PLEKHB2: variants seen among roughly 807,000 people sequenced by gnomAD.
The protein encoded by PLEKHB2 is pleckstrin homology domain-containing family B member 2.
Under a neutral mutation model 36.5 loss-of-function variants are expected in PLEKHB2, and 31 were observed. The ratio of observed to expected loss-of-function variants is 0.85; its 90% CI spans 0.64 to 1.15. The LOEUF is 1.15. Among genes scored for constraint, PLEKHB2 ranks in the 50% most tolerant of loss-of-function variants. The probability of loss-of-function intolerance (pLI) is 0.00; values close to 1 mark genes in which losing one functional copy is unlikely to be tolerated. For missense variants in PLEKHB2, 262 were observed against 295.3 expected, an observed-to-expected ratio of 0.89 and a Z score of 0.83; for synonymous variants, 119 against 112.0, an observed-to-expected ratio of 1.06 and a Z score of -0.39.
intron 1 of PLEKHB2, among the ~76,000 whole-genome samples, chr2:131,109,500 A>C (rs1448748438): frequency 6.6e-6 from 1 of 151,796 alleles, no homozygotes; most frequent in Non-Finnish European, 1.5e-5. Flanking sequence ...GACCAGCCTG[A>C]CCAACGTGGT....
At chr2:131,130,849 C>T in intron 5 of PLEKHB2, 89 bp downstream of exon 5, 1 of 886,246 alleles carries the variant, frequency 1.1e-6, no homozygotes, top group South Asian at 1.4e-5. Flanking sequence ...GGTGCTGTCT[C>T]ACCTCACTGC....
intron 1 of PLEKHB2, among the ~76,000 whole-genome samples, chr2:131,114,556 A>G (rs770566481): frequency 3.3e-5 from 5 of 152,166 alleles, no homozygotes; most frequent in Non-Finnish European, 5.9e-5. Context: ...ATCAGTTGGC[A>G]AATTTTCCAA....
At chr2:131,125,714 TAAA>T (rs368939952) in intron 2 of PLEKHB2, 36 bp from the exon 3 acceptor site, 28 of 1,339,174 alleles carry the variant, frequency 2.1e-5, no homozygotes, top group South Asian at 2.7e-5. Context: ...AGACTGTCTC[TAAA>T]AAAAAAAAAA....
chr2:131,132,329 G>A (rs949012423), intron 5 of PLEKHB2, among the ~76,000 whole-genome samples: 2 of 152,022 alleles, frequency 1.3e-5, no homozygotes, highest in African/African-American at 4.8e-5. Flanking sequence ...TTTTTTTGGA[G>A]ACAGTCTCGC....
In PLEKHB2 at chr2:131,120,988, G is replaced by A; in HGVS notation, c.37+10G>A. On this transcript the variant is annotated intron_variant, in intron 2 of 7. Coordinates refer to ENST00000693505, the MANE Select transcript of PLEKHB2 (RefSeq NM_001100623.2). ...TGGTTGCTGCGACAGAGTGAGTACAGGATGTGCGGTCTGCGATCGGCATTG... is the reference window on the plus strand; with the variant it reads ...TGGTTGCTGCGACAGAGTGAGTACAAGATGTGCGGTCTGCGATCGGCATTG... 1.2e-6 allele frequency: 2 copies of A among 1,613,498 alleles called. No homozygotes were observed. The highest frequency in any genetic ancestry group is 1.7e-6 in the Non-Finnish European group (2 of 1,179,458).
Position 131,146,835 on chromosome 2 carries a change from A to G in PLEKHB2, c.*62A>G, listed in dbSNP as rs542249172. 64 of 1,403,888 alleles carry G rather than the reference A, an allele frequency of 4.6e-5. 2 individuals carry two copies. The African/African-American group carries it at 7.1e-4, about 16-fold the overall frequency. 87.0% of individuals were successfully genotyped at this position (1,403,888 alleles called of 1,614,324 possible). On this transcript the variant is annotated 3_prime_UTR_variant, in exon 8 of 8. Transcript: ENST00000693505. ...CCCTGTGTGCAATAATATGATTTGC[A>G]GGGCATTTCTGTTTGTGACAAAAGT...
intron 5 of PLEKHB2, among the ~76,000 whole-genome samples, chr2:131,132,656 T>C (rs1407734563): frequency 2.0e-5 from 3 of 152,278 alleles, no homozygotes; most frequent in East Asian, 3.9e-4. Flanking sequence ...AGTGCCTTCC[T>C]GGCTGTGAGA....
At chr2:131,141,082 C>G (rs952284687) in intron 7 of PLEKHB2, among the ~76,000 whole-genome samples, 6 of 152,112 alleles carry the variant, frequency 3.9e-5, no homozygotes, top group African/African-American at 1.4e-4. Context: ...CGAGCTGGTA[C>G]CAGAAACGTG....
intron 1 of PLEKHB2, among the ~76,000 whole-genome samples, chr2:131,114,181 A>G (rs1024742610): frequency 6.6e-6 from 1 of 152,196 alleles, no homozygotes; most frequent in Non-Finnish European, 1.5e-5. Flanking sequence ...GCTGGAGTGC[A>G]GTGGCGTGAT....
At chr2:131,116,687 C>T (rs1300453174) in intron 1 of PLEKHB2, among the ~76,000 whole-genome samples, 1 of 152,164 alleles carries the variant, frequency 6.6e-6, no homozygotes, top group East Asian at 1.9e-4. Flanking sequence ...CTGGGGATTA[C>T]AATTCCACAT....
chr2:131,140,047 T>G, intron 6 of PLEKHB2, 120 bp from the exon 7 acceptor site: 1 of 616,434 alleles, frequency 1.6e-6, no homozygotes, highest in Non-Finnish European at 2.9e-6. Flanking sequence ...CTGTTTCATG[T>G]TTTGTTTTGT....
In PLEKHB2 at chr2:131,131,775, T is replaced by G. The variant is rs1306244423; in HGVS notation, c.333+1015T>G. Among the ~76,000 whole-genome samples, 29 of 150,690 alleles carry G rather than the reference T, an allele frequency of 1.9e-4. No homozygotes were observed. In the East Asian group the frequency reaches 3.2e-3, roughly 17 times the overall value. On this transcript the variant is annotated intron_variant, in intron 5 of 7. Coordinates refer to ENST00000693505, the MANE Select transcript of PLEKHB2 (RefSeq NM_001100623.2). ...AAATCCCCCTTTTTTTTTTTTTTTT[T>G]GGGTAAAATTAGCATTAACAATCCA... is the stretch of plus-strand genomic sequence containing the variant.
chr2:131,108,875 A>G (rs1424108161), intron 1 of PLEKHB2, among the ~76,000 whole-genome samples: 5 of 152,188 alleles, frequency 3.3e-5, no homozygotes, highest in Admixed American at 3.3e-4. Flanking sequence ...CTACTTACAT[A>G]TTATTTCACC....
At chr2:131,122,251 T>C (rs887204276) in intron 2 of PLEKHB2, among the ~76,000 whole-genome samples, 2 of 152,192 alleles carry the variant, frequency 1.3e-5, no homozygotes, top group Non-Finnish European at 2.9e-5. Context: ...ACCAGTCTTA[T>C]TTATTAAAAA....
At chr2:131,114,196 GC>G (rs548582208) in intron 1 of PLEKHB2, among the ~76,000 whole-genome samples, 13 of 152,166 alleles carry the variant, frequency 8.5e-5, no homozygotes, top group Non-Finnish European at 1.6e-4. Context: ...CGTGATCTCA[GC>G]TCACTGCAAG....
intron 1 of PLEKHB2, among the ~76,000 whole-genome samples, chr2:131,111,868 A>G (rs1267140196): frequency 6.6e-6 from 1 of 151,392 alleles, no homozygotes; most frequent in Non-Finnish European, 1.5e-5. Context: ...TGAAAATTTT[A>G]TTTTCTTTAA....
At chr2:131,123,846 CTT>C (rs760246492) in intron 2 of PLEKHB2, among the ~76,000 whole-genome samples, 4 of 115,092 alleles carry the variant, frequency 3.5e-5, no homozygotes, top group Admixed American at 9.8e-5. Flanking sequence ...CTGTGCCTGG[CTT>C]TTTTTTTTTT....
chr2:131,146,774 G>T lies in PLEKHB2; in HGVS notation c.*1G>T. 1 of 1,598,758 alleles carries T rather than the reference G, an allele frequency of 6.3e-7. No individual in the cohort carries two copies. Among genetic ancestry groups the T allele is most frequent in the Non-Finnish European group, 8.5e-7 (1 of 1,172,416 alleles). On this transcript the variant is annotated 3_prime_UTR_variant, in exon 8 of 8. Transcript: ENST00000693505. Reference sequence around the variant, plus strand: ...AGGGTCTCTATTTTGGGTCTTCTAGGGGCCTCAAGGTCTTGATGTGCATAG... The same window carrying T: ...AGGGTCTCTATTTTGGGTCTTCTAGTGGCCTCAAGGTCTTGATGTGCATAG...
intron 7 of PLEKHB2, among the ~76,000 whole-genome samples, chr2:131,145,041 A>ACT (rs1397624675): frequency 6.6e-6 from 1 of 152,040 alleles, no homozygotes; most frequent in Non-Finnish European, 1.5e-5. Context: ...TCATTGTACT[A>ACT]CTCTGTGCCT....
Sources: allele counts gnomAD v4.1 joint callset (sites outside exome capture counted in the v4.1 genomes callset), GRCh38; gene constraint gnomAD v4.1.1; transcripts MANE v1.5; gene names NCBI Gene and HGNC (gene_info 2026-07-23, HGNC 2026-07-21).